The following KCNH5 variants were observed in gnomAD, a reference collection of about 807,000 sequenced individuals.
The protein encoded by KCNH5 is potassium voltage-gated channel subfamily H member 5.
Under a neutral mutation model 96.1 loss-of-function variants are expected in KCNH5, and 46 were observed. The observed-to-expected ratio is 0.48, with a 90% CI of 0.38 to 0.61. The LOEUF is 0.61. KCNH5 is among the 20% of genes least tolerant of loss of function. KCNH5 has a pLI of 0.00. For synonymous variants in KCNH5, 439 were observed against 449.8 expected (o/e 0.98, Z 0.30); for missense variants, 907 against 1,225.8 (o/e 0.74, Z 3.88).
At chr14:62,831,534 G>A (rs1887349044) in intron 8 of KCNH5, among the ~76,000 whole-genome samples, 1 of 152,184 alleles carries the variant, frequency 6.6e-6, no homozygotes, top group East Asian at 1.9e-4. Context: ...TTTGAGAACT[G>A]TCTGTATCTC....
At chr14:62,814,922 A>G (rs2140011047) in intron 8 of KCNH5, among the ~76,000 whole-genome samples, 1 of 152,052 alleles carries the variant, frequency 6.6e-6, no homozygotes, top group Non-Finnish European at 1.5e-5. Flanking sequence ...TCACTTGCAG[A>G]TATATATGCA....
At chr14:62,829,881 A>G (rs1595643437) in intron 8 of KCNH5, among the ~76,000 whole-genome samples, 1 of 152,276 alleles carries the variant, frequency 6.6e-6, no homozygotes, top group South Asian at 2.1e-4. Flanking sequence ...CTAAACTTTT[A>G]TGCTCTGCTT....
chr14:62,770,700 A>G (rs138871100), intron 10 of KCNH5, among the ~76,000 whole-genome samples: 2 of 152,342 alleles, frequency 1.3e-5, no homozygotes, highest in East Asian at 3.9e-4. Flanking sequence ...TGATAATTAT[A>G]CATTGCCCAG....
At chr14:62,787,683 T>C (rs776230571) in intron 9 of KCNH5, among the ~76,000 whole-genome samples, 3 of 152,156 alleles carry the variant, frequency 2.0e-5, no homozygotes, top group Non-Finnish European at 4.4e-5. Context: ...GCTGGTGACT[T>C]TAAGTTGAAG....
intron 9 of KCNH5, among the ~76,000 whole-genome samples, chr14:62,791,807 T>C (rs1456812586): frequency 1.3e-5 from 2 of 151,638 alleles, no homozygotes; most frequent in South Asian, 2.1e-4. Context: ...AAAAAATGCA[T>C]AGAGATGCAA....
At chr14:62,925,887 C>T (rs567228646) in intron 7 of KCNH5, among the ~76,000 whole-genome samples, 17 of 152,156 alleles carry the variant, frequency 1.1e-4, no homozygotes, top group African/African-American at 2.6e-4. Context: ...AAGAAAAACA[C>T]GACTTGGAAA....
intron 9 of KCNH5, among the ~76,000 whole-genome samples, chr14:62,786,154 G>A (rs763370667): frequency 6.6e-6 from 1 of 152,154 alleles, no homozygotes; most frequent in African/African-American, 2.4e-5. Flanking sequence ...TCACGCCACT[G>A]CTCTCCAGCC....
rs568275517 is a variant in KCNH5, at chr14:63,045,305, CGCGGCG to C, written c.-125_-120del. ...AAGATTGAGCCGAAAGAAGAGGGGG[CGCGGCG>C]GCGGCGACGGGGTCCCCTGACTGTG... On this transcript the variant is annotated 5_prime_UTR_variant, in exon 1 of 11. Coordinates refer to ENST00000322893, the MANE Select transcript of KCNH5 (RefSeq NM_139318.5). 1 of 826,036 alleles carries C rather than the reference CGCGGCG, an allele frequency of 1.2e-6. No individual in the cohort carries two copies. The highest frequency in any genetic ancestry group is 2.0e-6 in the Non-Finnish European group (1 of 505,528). 51.2% of individuals were successfully genotyped at this position (826,036 alleles called of 1,614,324 possible).
chr14:62,949,247 A>T (rs955628889), intron 7 of KCNH5, among the ~76,000 whole-genome samples: 2 of 152,222 alleles, frequency 1.3e-5, no homozygotes, highest in African/African-American at 4.8e-5. Flanking sequence ...ACATGATTGT[A>T]TATCTAGAAA....
chr14:62,821,915 A>AT (rs1887122627), intron 8 of KCNH5, among the ~76,000 whole-genome samples: 1 of 152,164 alleles, frequency 6.6e-6, no homozygotes, highest in African/African-American at 2.4e-5. Context: ...GAATGTACTG[A>AT]TGGTAAGGAA....
At chr14:62,931,480 G>A (rs181214655) in intron 7 of KCNH5, among the ~76,000 whole-genome samples, 24 of 152,156 alleles carry the variant, frequency 1.6e-4, no homozygotes, top group East Asian at 1.2e-3. Context: ...AATGGATTGC[G>A]TAAAGCCATA....
At chr14:62,792,209 T>C (rs1886449835) in intron 9 of KCNH5, among the ~76,000 whole-genome samples, 1 of 151,586 alleles carries the variant, frequency 6.6e-6, no homozygotes, top group South Asian at 2.1e-4. Context: ...TCTTCAATGA[T>C]TGATGTCCAA....
intron 7 of KCNH5, among the ~76,000 whole-genome samples, chr14:62,887,551 C>T (rs914652270): frequency 6.6e-6 from 1 of 151,904 alleles, no homozygotes; most frequent in Admixed American, 6.6e-5. Flanking sequence ...GTACTGAACA[C>T]ACTAGATGAG....
intron 8 of KCNH5, among the ~76,000 whole-genome samples, chr14:62,848,719 T>C (rs1024308348): frequency 2.6e-5 from 4 of 152,306 alleles, no homozygotes; most frequent in African/African-American, 9.6e-5. Flanking sequence ...AAGATGCTTT[T>C]TGAGCAGGTC....
At chr14:62,982,143 A>G (rs979351932) in intron 5 of KCNH5, among the ~76,000 whole-genome samples, 1 of 152,176 alleles carries the variant, frequency 6.6e-6, no homozygotes, top group Admixed American at 6.5e-5. Flanking sequence ...ATCCTGGCCA[A>G]CATGGTGAAA....
Position 62,994,733 on chromosome 14 carries a change from GC to G in KCNH5, c.433+6597del, listed in dbSNP as rs369984699. 7.3e-3 allele frequency among the ~76,000 whole-genome samples: 1,115 copies of G among 152,168 alleles called. 17 individuals are homozygous for G. Among genetic ancestry groups the G allele is most frequent in the African/African-American group, 0.025 (1,039 of 41,540 alleles). On this transcript the variant is annotated intron_variant, in intron 4 of 10. Coordinates refer to ENST00000322893, the MANE Select transcript of KCNH5 (RefSeq NM_139318.5). ...AGTCTCCACTGAGAAGGACGGGGCA[GC>G]ATGGGTGCAATAGAGAGAACATGGG...
intron 8 of KCNH5, among the ~76,000 whole-genome samples, chr14:62,846,789 C>CTTTTGTTTTTTTTT (rs1887701822): frequency 1.5e-5 from 1 of 67,464 alleles, no homozygotes; most frequent in African/African-American, 6.6e-5. Flanking sequence ...TGTATTGTAT[C>CTTTTGTTTTTTTTT]TTTTTTTTTT....
intron 7 of KCNH5, among the ~76,000 whole-genome samples, chr14:62,890,653 C>T (rs1399858386): frequency 1.4e-4 from 20 of 144,458 alleles, no homozygotes; most frequent in African/African-American, 1.5e-4. Context: ...GAGCCGAGAT[C>T]GCGCCACTGC....
rs1884356555 is a variant in KCNH5, at chr14:62,702,065, T to A, written c.*5443A>T. The A allele has an allele frequency of 1.3e-5, 2 of 152,000 alleles. No individual in the cohort carries two copies. The highest frequency in any genetic ancestry group is 6.6e-5 in the Admixed American group (1 of 15,246). 9.4% of individuals were successfully genotyped at this position (152,000 alleles called of 1,614,324 possible). A position where few individuals can be genotyped will look rare whatever the true frequency, so the allele number is the denominator to read the frequency against. ...AGAAAAAGAAATTATAGAAAAAAAA[T>A]CCTGAATGACTCTTGCTTTCCTTAA... On this transcript the variant is annotated 3_prime_UTR_variant, in exon 11 of 11. Coordinates refer to ENST00000322893, the MANE Select transcript of KCNH5 (RefSeq NM_139318.5).
Sources: allele counts gnomAD v4.1 joint callset (sites outside exome capture counted in the v4.1 genomes callset), GRCh38; gene constraint gnomAD v4.1.1; transcripts MANE v1.5; gene names NCBI Gene and HGNC (gene_info 2026-07-23, HGNC 2026-07-21).